C2: variants seen among roughly 807,000 people sequenced by gnomAD.
C2 encodes C3/C5 convertase.
In C2, 64 loss-of-function variants were observed where a neutral mutation model predicts 85.2. That is an observed-to-expected ratio of 0.75 (90% CI 0.61 to 0.92). The LOEUF is 0.92. C2 is among the 40% of genes least tolerant of loss of function. The pLI is 0.00. For synonymous variants in C2, 311 were observed against 370.8 expected, an observed-to-expected ratio of 0.84 and a Z score of 1.85; for missense variants, 820 against 971.6, an observed-to-expected ratio of 0.84 and a Z score of 2.07.
At chr6:31,900,634 T>C (rs764114865), upstream of C2, 28 of 1,612,592 alleles carry the variant, frequency 1.7e-5, no homozygotes, top group Non-Finnish European at 2.4e-5. The surrounding 1 kb of genome is among the most constrained non-coding windows in gnomAD (Gnocchi z 9.7). Flanking sequence ...CTCCAGGGGG[T>C]TTGAGCCGGT....
At chr6:31,919,664 T>G (rs965546053), upstream of C2, among the ~76,000 whole-genome samples, 10 of 152,214 alleles carry the variant, frequency 6.6e-5, no homozygotes, top group African/African-American at 2.4e-4. Context: ...TTTTTTTGCA[T>G]AAATGGTGGC....
chr6:31,927,657 T>G (rs1769356326), upstream of C2: 1 of 1,609,950 alleles, frequency 6.2e-7, no homozygotes, highest in Non-Finnish European at 8.5e-7. This position sits in a 1 kb window ranked among gnomAD's most constrained non-coding sequence, Gnocchi z 4.7. Flanking sequence ...CTGGCAGCAA[T>G]GAAGCAGCTG....
upstream of C2, chr6:31,900,431 G>A: frequency 2.6e-6 from 4 of 1,549,620 alleles, no homozygotes; most frequent in South Asian, 1.2e-5. The surrounding 1 kb of genome is among the most constrained non-coding windows in gnomAD (Gnocchi z 9.7). Flanking sequence ...CACCAGGCCC[G>A]AGGTGGCCCC....
upstream of C2, chr6:31,900,631 G>A (rs763038982): frequency 3.7e-6 from 6 of 1,612,670 alleles, no homozygotes; most frequent in East Asian, 1.3e-4. This position sits in a 1 kb window ranked among gnomAD's most constrained non-coding sequence, Gnocchi z 9.7. Flanking sequence ...GGCCTCCAGG[G>A]GGTTTGAGCC....
chr6:31,944,188 G>A lies in C2; in HGVS notation c.1864G>A (p.Gly622Arg). 1 of 1,612,646 alleles carries A rather than the reference G, an allele frequency of 6.2e-7. No individual in the cohort carries two copies. Among genetic ancestry groups the A allele is most frequent in the East Asian group, 2.2e-5 (1 of 44,876 alleles). Residue 622 changes from glycine (G) to arginine (R), a missense_variant, in exon 15 of 18, where the codon GGG becomes AGG. By Grantham distance (125) the Gly-to-Arg change is moderately radical. Transcript: ENST00000299367. The surrounding 1 kb of genome is among the most constrained non-coding windows in gnomAD (Gnocchi z 5.1). ...TCCTGCTCATTTTGTCGCCTTGAAT[G>A]GGAGCAAACTGAACATTAACCTTAA... ...SVPAHFVALN[G>R]SKLNINLKMG... is the part of the protein sequence containing the mutation.
Position 31,921,292 on chromosome 6 carries a change from A to C in C2, c.-100+1266A>C, listed in dbSNP as rs1183685417. On this transcript the variant is annotated intron_variant, in intron 1 of 3. Transcript: ENST00000413154. The surrounding 1 kb of genome is among the most constrained non-coding windows in gnomAD (Gnocchi z 4.6). ...TACTTGGATAGCTCATTGTTTAAAA[A>C]AAAAACTCCTGGATCCTTCCTCTGG... is the stretch of plus-strand genomic sequence containing the variant. Among the ~76,000 whole-genome samples, 1 of 152,122 alleles carries C rather than the reference A, an allele frequency of 6.6e-6. No homozygotes were observed.
At chr6:31,912,685 C>T (rs1166996497) in intron 1 of C2, among the ~76,000 whole-genome samples, 1 of 151,718 alleles carries the variant, frequency 6.6e-6, no homozygotes, top group African/African-American at 2.4e-5. Context: ...ACTGAAAATA[C>T]AAAAAATTAA....
chr6:31,902,246 T>A (rs1767390314), intron 1 of C2, among the ~76,000 whole-genome samples: 1 of 149,720 alleles, frequency 6.7e-6, no homozygotes, highest in East Asian at 2.0e-4. Context: ...TCTTTCTCGC[T>A]CCCCCTCCTC....
At chr6:31,916,662 C>T (rs1406276766), upstream of C2, among the ~76,000 whole-genome samples, 1 of 151,844 alleles carries the variant, frequency 6.6e-6, no homozygotes, top group Non-Finnish European at 1.5e-5. Flanking sequence ...AGACGCTTTC[C>T]ACCTGAAGGA....
In C2 at chr6:31,943,225, A is replaced by T. The variant is rs748509637; in HGVS notation, c.1361A>T (p.Asp454Val). 2 of 1,612,978 alleles carry T rather than the reference A, an allele frequency of 1.2e-6. No individual in the cohort carries two copies. The highest frequency in any genetic ancestry group is 1.7e-5 in the Admixed American group (1 of 60,022). Residue 454 changes from aspartate (D) to valine (V), a missense_variant and splice_region_variant, in exon 11 of 18, where the codon GAT becomes GTT. Physicochemically the swap from Asp to Val is radical, Grantham distance 152 (BLOSUM62 -3). Coordinates refer to ENST00000299367, the MANE Select transcript of C2 (RefSeq NM_000063.6). This position sits in a 1 kb window ranked among gnomAD's most constrained non-coding sequence, Gnocchi z 6.4. ...CCCCATCTGATCCTCACACCCACAG[A>T]TGTCTCCAAGCTCACAGACACCATC... ...ALHQVFEHML[D>V]VSKLTDTICG...
intron 3 of C2, among the ~76,000 whole-genome samples, chr6:31,930,248 A>C (rs773699159): frequency 4.0e-5 from 6 of 151,178 alleles, no homozygotes; most frequent in Non-Finnish European, 7.4e-5. Flanking sequence ...TGCCTCGGTA[A>C]TTTTCTATTC....
chr6:31,912,197 C>T (rs1329328264), intron 1 of C2, among the ~76,000 whole-genome samples: 1 of 152,198 alleles, frequency 6.6e-6, no homozygotes, highest in Admixed American at 6.5e-5. Context: ...TGCACCTGTT[C>T]AGCTTCCCTG....
intron 3 of C2, chr6:31,932,551 ATGTGATGG>A (rs1769969319): frequency 9.6e-5 from 17 of 176,940 alleles, no homozygotes; most frequent in African/African-American, 2.2e-4. Context: ...CACTTCCCAG[ATGTGATGG>A]CGGCCGGGAA....
chr6:31,944,740 C>A lies in C2; in HGVS notation c.1916C>A (p.Ala639Asp). 6.2e-7 allele frequency: 1 copy of A among 1,613,072 alleles called. No homozygotes were observed. The highest frequency in any genetic ancestry group is 8.5e-7 in the Non-Finnish European group (1 of 1,180,030). The change falls in exon 16 of 18, where the codon GCC (alanine) becomes GAC (aspartate). Residue 639 changes from alanine to aspartate, a missense_variant. Physicochemically the swap from Ala to Asp is moderately radical, Grantham distance 126 (BLOSUM62 -2). Transcript: ENST00000299367. The surrounding 1 kb of genome is among the most constrained non-coding windows in gnomAD (Gnocchi z 5.1). ...LKMGVEWTSC[A>D]EVVSQEKTMF... Reference sequence around the variant, plus strand: ...CCCCTGCTGCAGTGGACAAGCTGTGCCGAGGTTGTCTCCCAAGAAAAAACC... The same window carrying A: ...CCCCTGCTGCAGTGGACAAGCTGTGACGAGGTTGTCTCCCAAGAAAAAACC...
intron 3 of C2, among the ~76,000 whole-genome samples, 163 bp downstream of exon 3, chr6:31,929,080 A>G (rs550422894): frequency 2.0e-5 from 3 of 152,364 alleles, no homozygotes; most frequent in Non-Finnish European, 4.4e-5. Context: ...CAGGTCACAC[A>G]TCACAAGTCT....
Position 31,944,322 on chromosome 6 carries a change from C to A in C2, c.1902+96C>A. 2.3e-6 allele frequency: 2 copies of A among 874,464 alleles called. No homozygotes were observed. Among genetic ancestry groups the A allele is most frequent in the Non-Finnish European group, 1.9e-6 (1 of 520,220 alleles). The allele number at this position is 874,464 out of a possible 1,614,324, so 54.2% of individuals were successfully genotyped here. On this transcript the variant is annotated intron_variant, in intron 15 of 17. Coordinates refer to ENST00000299367, the MANE Select transcript of C2 (RefSeq NM_000063.6). This position sits in a 1 kb window ranked among gnomAD's most constrained non-coding sequence, Gnocchi z 5.1. ...AGGTCTGGCTGCTTTCTCTCTCTGA[C>A]GCGGGTCACCCCTCCTCCCAAGCCT...
intron 3 of C2, among the ~76,000 whole-genome samples, chr6:31,932,149 G>A (rs1769875756): frequency 7.3e-6 from 1 of 136,400 alleles, no homozygotes; most frequent in Non-Finnish European, 1.6e-5. Context: ...CGGACGGGGC[G>A]GCTGGCCGGG....
At chr6:31,897,808 G>A, upstream of C2, 3 of 1,003,116 alleles carry the variant, frequency 3.0e-6, no homozygotes, top group Non-Finnish European at 3.6e-6. Flanking sequence ...GAGCGGCCTC[G>A]GAGATGGCTG....
Position 31,927,821 on chromosome 6 carries a change from C to T in C2, c.46+23C>T, listed in dbSNP as rs746794950. 1.2e-6 allele frequency: 2 copies of T among 1,610,982 alleles called. No homozygotes were observed. The highest frequency in any genetic ancestry group is 1.1e-5 in the South Asian group (1 of 91,026). Reference sequence around the variant, plus strand: ...CAGGTAGGAGGCAGGGAAGGGGGAACGTCAGGGTCCTGTGTGTGAGGTTGG... The same window carrying T: ...CAGGTAGGAGGCAGGGAAGGGGGAATGTCAGGGTCCTGTGTGTGAGGTTGG... On this transcript the variant is annotated intron_variant, in intron 1 of 17. Coordinates refer to ENST00000299367, the MANE Select transcript of C2 (RefSeq NM_000063.6). This position sits in a 1 kb window ranked among gnomAD's most constrained non-coding sequence, Gnocchi z 4.7.
Sources: allele counts gnomAD v4.1 joint callset (sites outside exome capture counted in the v4.1 genomes callset), GRCh38; gene constraint gnomAD v4.1.1; non-coding constraint Gnocchi (gnomAD v3.1); transcripts MANE v1.5; gene names NCBI Gene and HGNC (gene_info 2026-07-23, HGNC 2026-07-21).